Variants in NCKAP5 observed in about 807,000 individuals in gnomAD.
NCKAP5 encodes NCK associated protein 5, also known as nck-associated protein 5.
A neutral mutation model predicts 167.0 loss-of-function variants in NCKAP5; 92 were observed. That is an observed-to-expected ratio of 0.55 (90% CI 0.47 to 0.66). NCKAP5 has a LOEUF of 0.66. NCKAP5 is among the 30% of genes least tolerant of loss of function. The pLI is 0.00. For synonymous variants in NCKAP5, 891 were observed against 877.4 expected (o/e 1.02, Z -0.27); for missense variants, 2,378 against 2,315.0 (o/e 1.03, Z -0.56).
At chr2:132,860,045 T>G (rs1689770361) in intron 11 of NCKAP5, among the ~76,000 whole-genome samples, 1 of 152,192 alleles carries the variant, frequency 6.6e-6, no homozygotes, top group Non-Finnish European at 1.5e-5. Flanking sequence ...AAGAAGGAAC[T>G]CTGCATAGAG....
intron 3 of NCKAP5, among the ~76,000 whole-genome samples, chr2:133,468,936 C>T (rs563555282): frequency 1.6e-3 from 248 of 152,284 alleles, no homozygotes; most frequent in African/African-American, 5.7e-3. Flanking sequence ...CTGAATACAG[C>T]ACACTGATGG....
At chr2:132,964,698 T>C (rs1476581138) in intron 7 of NCKAP5, among the ~76,000 whole-genome samples, 1 of 152,200 alleles carries the variant, frequency 6.6e-6, no homozygotes, top group African/African-American at 2.4e-5. Context: ...CTAAACACAA[T>C]GCTGCAGAAA....
intron 15 of NCKAP5, among the ~76,000 whole-genome samples, chr2:132,779,889 C>A (rs950327499): frequency 6.6e-6 from 1 of 152,112 alleles, no homozygotes; most frequent in Non-Finnish European, 1.5e-5. Context: ...AGTTTTCCCT[C>A]AGAAAATTGT....
intron 11 of NCKAP5, among the ~76,000 whole-genome samples, chr2:132,852,193 T>A (rs1689129178): frequency 6.6e-6 from 1 of 152,218 alleles, no homozygotes; most frequent in Non-Finnish European, 1.5e-5. Context: ...GATAGACATT[T>A]ACTGCACAAA....
intron 3 of NCKAP5, among the ~76,000 whole-genome samples, chr2:133,367,646 TA>T: frequency 6.6e-6 from 1 of 152,094 alleles, no homozygotes; most frequent in Non-Finnish European, 1.5e-5. Context: ...TTGTATTTGT[TA>T]GATAGTTAAT....
At chr2:133,265,466 C>G (rs1392896578) in intron 4 of NCKAP5, among the ~76,000 whole-genome samples, 2 of 152,198 alleles carry the variant, frequency 1.3e-5, no homozygotes, top group Non-Finnish European at 2.9e-5. Context: ...GACTCAGCAG[C>G]AGAGAGGGCC....
intron 7 of NCKAP5, among the ~76,000 whole-genome samples, chr2:132,987,320 T>C (rs1201966507): frequency 6.6e-6 from 1 of 152,180 alleles, no homozygotes; most frequent in African/African-American, 2.4e-5. Flanking sequence ...GAATAATATC[T>C]CTGCCAGGCA....
chr2:133,090,683 T>G (rs756349388), intron 6 of NCKAP5, among the ~76,000 whole-genome samples: 1 of 152,154 alleles, frequency 6.6e-6, no homozygotes, highest in African/African-American at 2.4e-5. Flanking sequence ...ATACAGCAGA[T>G]GAGTTAGACA....
intron 3 of NCKAP5, among the ~76,000 whole-genome samples, chr2:133,303,465 T>C (rs886990458): frequency 6.6e-6 from 1 of 152,128 alleles, no homozygotes; most frequent in African/African-American, 2.4e-5. Context: ...GACAAAACAG[T>C]TCTTGATTTT....
chr2:133,316,278 C>T (rs1188272366), intron 3 of NCKAP5, among the ~76,000 whole-genome samples: 1 of 152,188 alleles, frequency 6.6e-6, no homozygotes, highest in Non-Finnish European at 1.5e-5. Context: ...GCCTTGGATT[C>T]TCTTGACATT....
At chr2:133,224,413 A>C (rs1015343548) in intron 4 of NCKAP5, among the ~76,000 whole-genome samples, 6 of 152,308 alleles carry the variant, frequency 3.9e-5, no homozygotes, top group Middle Eastern at 3.4e-3. Flanking sequence ...TCAGAAACTA[A>C]TCGCATGTTC....
chr2:132,789,993 C>T, intron 13 of NCKAP5, 30 bp downstream of exon 13: 1 of 1,576,908 alleles, frequency 6.3e-7, no homozygotes, highest in South Asian at 1.2e-5. Flanking sequence ...GGATTCTTTT[C>T]TGGTTCATTC....
At chr2:133,240,265 C>T (rs578064690) in intron 4 of NCKAP5, among the ~76,000 whole-genome samples, 1 of 152,266 alleles carries the variant, frequency 6.6e-6, no homozygotes, top group South Asian at 2.1e-4. Context: ...TAAACAGACA[C>T]CCAGTGGCCA....
intron 6 of NCKAP5, among the ~76,000 whole-genome samples, chr2:133,015,752 TGAG>T (rs759983221): frequency 1.8e-4 from 28 of 152,106 alleles, no homozygotes; most frequent in Non-Finnish European, 3.5e-4. Context: ...TACTGCTTAA[TGAG>T]GAGATGAACA....
intron 6 of NCKAP5, among the ~76,000 whole-genome samples, chr2:133,129,263 A>G (rs1331991480): frequency 6.6e-6 from 1 of 150,924 alleles, no homozygotes; most frequent in Non-Finnish European, 1.5e-5. Context: ...ACCCCACAAC[A>G]GTCCCCGGAG....
intron 17 of NCKAP5, 44 bp from the exon 18 acceptor site, chr2:132,728,996 A>G (rs1346109600): frequency 1.0e-5 from 16 of 1,605,174 alleles, no homozygotes; most frequent in Non-Finnish European, 1.3e-5. Flanking sequence ...ACCTTTCATC[A>G]ACATTTTACA....
intron 3 of NCKAP5, among the ~76,000 whole-genome samples, chr2:133,430,178 A>T (rs978015844): frequency 1.3e-5 from 2 of 151,906 alleles, no homozygotes; most frequent in African/African-American, 4.8e-5. Flanking sequence ...TTTTGTGGGT[A>T]CATAGTAGGT....
intron 15 of NCKAP5, among the ~76,000 whole-genome samples, chr2:132,780,246 G>T (rs1682909323): frequency 6.6e-6 from 1 of 152,136 alleles, no homozygotes; most frequent in Non-Finnish European, 1.5e-5. Context: ...CTGCCTCCTG[G>T]GTTCATGCCA....
intron 8 of NCKAP5, among the ~76,000 whole-genome samples, chr2:132,886,861 A>G (rs1159697865): frequency 6.6e-6 from 1 of 152,222 alleles, no homozygotes; most frequent in Non-Finnish European, 1.5e-5. Context: ...GCCAACATGA[A>G]TAAAGAAATG....
Sources: gnomAD v4.1 joint callset for allele counts (sites outside exome capture counted in the v4.1 genomes callset) on GRCh38, gnomAD v4.1.1 for gene constraint, MANE v1.5 for transcripts, NCBI Gene and HGNC (gene_info 2026-07-23, HGNC 2026-07-21) for gene names.